The following OPCML variants were observed in gnomAD, a reference collection of about 807,000 sequenced individuals.
OPCML encodes the protein opioid binding protein/cell adhesion molecule like, also known as opioid-binding protein/cell adhesion molecule.
In OPCML, 13 loss-of-function variants were observed where a neutral mutation model predicts 37.8. That is an observed-to-expected ratio of 0.34 (90% CI 0.22 to 0.55). OPCML has a LOEUF of 0.55. Among genes scored for constraint, OPCML ranks in the 20% least tolerant of loss-of-function variants. The pLI is 0.91. For missense variants in OPCML, 341 were observed against 435.6 expected, an observed-to-expected ratio of 0.78 and a Z score of 1.93; for synonymous variants, 176 against 168.8, an observed-to-expected ratio of 1.04 and a Z score of -0.33.
In OPCML at chr11:133,381,607, A is replaced by G. The variant is rs929380273; in HGVS notation, c.61+150657T>C. Among the ~76,000 whole-genome samples the G allele has an allele frequency of 2.0e-5, 3 of 152,136 alleles. No homozygotes were observed. In the South Asian group the frequency reaches 6.2e-4, roughly 31 times the overall value. Reference sequence around the variant, plus strand: ...CCTGGAGAAAGTGTGGAGTGTGATGAAAAGAGGATGGGAGAAAGAACTTCA... The same window carrying G: ...CCTGGAGAAAGTGTGGAGTGTGATGGAAAGAGGATGGGAGAAAGAACTTCA... On this transcript the variant is annotated intron_variant, in intron 1 of 7. Coordinates refer to ENST00000524381, the MANE Select transcript of OPCML (RefSeq NM_001012393.5).
intron 1 of OPCML, among the ~76,000 whole-genome samples, chr11:133,072,017 C>T (rs1198367530): frequency 2.6e-5 from 4 of 152,166 alleles, no homozygotes; most frequent in African/African-American, 9.7e-5. Flanking sequence ...CCACCAATTG[C>T]TCCTAAGTGA....
chr11:132,876,189 C>T (rs537528728), intron 2 of OPCML, among the ~76,000 whole-genome samples: 7 of 152,282 alleles, frequency 4.6e-5, no homozygotes, highest in South Asian at 4.1e-4. Flanking sequence ...AGTCGGGAAT[C>T]GATAGTTCTT....
At chr11:132,732,964 A>C (rs1945129717) in intron 2 of OPCML, among the ~76,000 whole-genome samples, 1 of 152,162 alleles carries the variant, frequency 6.6e-6, no homozygotes, top group Non-Finnish European at 1.5e-5. Flanking sequence ...AAGGAGACAC[A>C]CTAAATATTG....
intron 2 of OPCML, among the ~76,000 whole-genome samples, chr11:132,673,395 G>A (rs566142390): frequency 6.6e-6 from 1 of 152,276 alleles, no homozygotes; most frequent in East Asian, 1.9e-4. Context: ...TGAGGAAAGT[G>A]TCTCTATGAC....
chr11:133,142,517 A>G (rs1007338011), intron 1 of OPCML, among the ~76,000 whole-genome samples: 2 of 152,182 alleles, frequency 1.3e-5, no homozygotes, highest in Admixed American at 6.5e-5. Context: ...TGCTTACTCA[A>G]TACAAACTAC....
At chr11:132,897,908 T>A (rs909893284) in intron 2 of OPCML, among the ~76,000 whole-genome samples, 4 of 152,206 alleles carry the variant, frequency 2.6e-5, no homozygotes, top group African/African-American at 9.7e-5. Flanking sequence ...GTTATTTGTT[T>A]CTCATGTAAA....
chr11:133,423,957 A>C (rs1283766101), intron 1 of OPCML, among the ~76,000 whole-genome samples: 1 of 152,228 alleles, frequency 6.6e-6, no homozygotes, highest in Non-Finnish European at 1.5e-5. Context: ...CCTCACCAGA[A>C]GCCAAGCAGA....
chr11:133,499,851 T>C (rs1184889105), intron 1 of OPCML, among the ~76,000 whole-genome samples: 6 of 131,362 alleles, frequency 4.6e-5, no homozygotes, highest in African/African-American at 1.6e-4. Flanking sequence ...TATATATATA[T>C]ACATACACAT....
intron 2 of OPCML, among the ~76,000 whole-genome samples, chr11:132,736,081 C>A (rs1430096113): frequency 6.6e-6 from 1 of 152,162 alleles, no homozygotes. Context: ...TATGAACCAG[C>A]AACTCCTATG....
At chr11:132,476,646 C>T (rs922662826) in intron 4 of OPCML, among the ~76,000 whole-genome samples, 2 of 151,946 alleles carry the variant, frequency 1.3e-5, no homozygotes, top group African/African-American at 4.8e-5. Flanking sequence ...ACAATGAGAA[C>T]TCATGGACAC....
At chr11:132,771,693 G>A (rs2136124365) in intron 2 of OPCML, 2 of 152,274 alleles carry the variant, frequency 1.3e-5, no homozygotes, top group Middle Eastern at 6.8e-3. Context: ...GAGAGGAAAT[G>A]TAATTCTCCA....
intron 4 of OPCML, among the ~76,000 whole-genome samples, chr11:132,512,179 G>T (rs1356411567): frequency 6.6e-6 from 1 of 151,994 alleles, no homozygotes; most frequent in Non-Finnish European, 1.5e-5. Flanking sequence ...AGCCTACACA[G>T]TTATTAGAAT....
chr11:132,950,715 A>G (rs1945839478), intron 1 of OPCML, among the ~76,000 whole-genome samples: 1 of 152,168 alleles, frequency 6.6e-6, no homozygotes, highest in African/African-American at 2.4e-5. Context: ...ATCTGGATCT[A>G]GAGGCTCCTC....
At chr11:133,247,430 A>G (rs941381278) in intron 1 of OPCML, among the ~76,000 whole-genome samples, 1 of 152,184 alleles carries the variant, frequency 6.6e-6, no homozygotes, top group African/African-American at 2.4e-5. Context: ...TTACAATACA[A>G]TTGGGGAGAT....
rs576530297 is a variant in OPCML, at chr11:133,208,961, T to C, written c.62-265951A>G. 2.0e-5 allele frequency among the ~76,000 whole-genome samples: 3 copies of C among 152,070 alleles called. No individual in the cohort carries two copies. The highest frequency in any genetic ancestry group is 4.4e-5 in the Non-Finnish European group (3 of 68,008). On this transcript the variant is annotated intron_variant, in intron 1 of 7. Coordinates refer to ENST00000524381, the MANE Select transcript of OPCML (RefSeq NM_001012393.5). This position sits in a 1 kb window ranked among gnomAD's most constrained non-coding sequence, Gnocchi z 8.9. Reference sequence around the variant, plus strand: ...CATACTTACATGGAAACAACAATAATAAAAAAATTACCTGAAATGCTGTCC... The same window carrying C: ...CATACTTACATGGAAACAACAATAACAAAAAAATTACCTGAAATGCTGTCC...
intron 1 of OPCML, among the ~76,000 whole-genome samples, chr11:133,100,423 CAAGTTATTTTGCA>C (rs938821647): frequency 3.3e-5 from 5 of 152,254 alleles, no homozygotes; most frequent in East Asian, 1.9e-4. Context: ...AAAATACCAG[CAAGTTATTTTGCA>C]AAGTTATTTT....
chr11:132,495,348 A>G (rs2096228023), intron 4 of OPCML, among the ~76,000 whole-genome samples: 1 of 152,196 alleles, frequency 6.6e-6, no homozygotes, highest in African/African-American at 2.4e-5. Context: ...CATACCCTAG[A>G]GATAAAGGGG....
intron 1 of OPCML, among the ~76,000 whole-genome samples, chr11:132,948,377 G>A (rs1441866287): frequency 6.6e-6 from 1 of 152,206 alleles, no homozygotes; most frequent in Non-Finnish European, 1.5e-5. Flanking sequence ...AGCAAGCTTA[G>A]GATTGTAAAG....
At position 133,175,592 on chromosome 11, in the gene OPCML, T is replaced by A. The variant is rs775146406; in HGVS notation, c.62-232582A>T. Among the ~76,000 whole-genome samples, 68 of 151,102 alleles carry A rather than the reference T, an allele frequency of 4.5e-4. 3 individuals carry two copies. In the Middle Eastern group the frequency reaches 0.011, roughly 23 times the overall value. On this transcript the variant is annotated intron_variant, in intron 1 of 7. Transcript: ENST00000524381. Reference sequence around the variant, plus strand: ...TGTTCACACATTTAATTAGGAAACTTGAAATTGAAAGGAAAGGACAGAAAA... The same window carrying A: ...TGTTCACACATTTAATTAGGAAACTAGAAATTGAAAGGAAAGGACAGAAAA...
Sources: allele counts gnomAD v4.1 joint callset (sites outside exome capture counted in the v4.1 genomes callset), GRCh38; gene constraint gnomAD v4.1.1; non-coding constraint Gnocchi (gnomAD v3.1); transcripts MANE v1.5; gene names NCBI Gene and HGNC (gene_info 2026-07-23, HGNC 2026-07-21).